The following HIKESHI variants were observed in gnomAD, a reference collection of about 807,000 sequenced individuals.
HIKESHI encodes the protein protein Hikeshi.
A neutral mutation model predicts 25.7 loss-of-function variants in HIKESHI; 13 were observed. The ratio of observed to expected loss-of-function variants is 0.51; its 90% CI spans 0.33 to 0.80. The LOEUF (loss-of-function observed/expected upper bound fraction) is 0.80, where lower values mean the gene tolerates loss of function less well. Among genes scored for constraint, HIKESHI ranks in the 30% least tolerant of loss-of-function variants. HIKESHI has a pLI of 0.02. For missense variants in HIKESHI, 174 were observed against 229.5 expected (o/e 0.76, Z 1.56); for synonymous variants, 76 against 78.7 (o/e 0.97, Z 0.18).
At chr11:86,344,956 T>C (rs1346527238) in intron 4 of HIKESHI, 2 of 535,188 alleles carry the variant, frequency 3.7e-6, no homozygotes, top group African/African-American at 1.9e-5. Flanking sequence ...TAGTTGCCTA[T>C]GTTTTAGGGA....
At chr11:86,328,826 C>T (rs1269824622) in intron 2 of HIKESHI, among the ~76,000 whole-genome samples, 4 of 151,906 alleles carry the variant, frequency 2.6e-5, no homozygotes, top group East Asian at 1.9e-4. Flanking sequence ...ATCCACCTGC[C>T]GTGGCCTCCC....
intron 3 of HIKESHI, among the ~76,000 whole-genome samples, chr11:86,339,248 C>A (rs948170045): frequency 1.3e-5 from 2 of 152,160 alleles, no homozygotes; most frequent in African/African-American, 4.8e-5. Context: ...TGGGGTTTCG[C>A]CGTGTTAGCC....
chr11:86,335,699 C>T (rs1350924855), intron 2 of HIKESHI, among the ~76,000 whole-genome samples: 3 of 152,182 alleles, frequency 2.0e-5, no homozygotes, highest in East Asian at 1.9e-4. Context: ...ACTAATGGAA[C>T]AGAGACTTCA....
intron 3 of HIKESHI, among the ~76,000 whole-genome samples, chr11:86,342,591 T>C (rs1293238660): frequency 1.3e-5 from 2 of 151,982 alleles, no homozygotes; most frequent in Admixed American, 1.3e-4. Flanking sequence ...GCCTAAGATG[T>C]TGTCTTTCAG....
chr11:86,337,559 C>T (rs1202860072), intron 3 of HIKESHI, 29 bp downstream of exon 3: 2 of 1,599,786 alleles, frequency 1.3e-6, no homozygotes, highest in Non-Finnish European at 1.7e-6. Flanking sequence ...CATTCTTTAC[C>T]TCCCCCTCCA....
intron 2 of HIKESHI, among the ~76,000 whole-genome samples, chr11:86,316,668 A>T (rs1458154803): frequency 6.6e-6 from 1 of 152,078 alleles, no homozygotes; most frequent in Non-Finnish European, 1.5e-5. Flanking sequence ...AAACAGATTA[A>T]ACTTACCAGA....
intron 2 of HIKESHI, among the ~76,000 whole-genome samples, chr11:86,313,949 A>T (rs1157094071): frequency 6.6e-6 from 1 of 152,212 alleles, no homozygotes; most frequent in East Asian, 1.9e-4. Flanking sequence ...CCTCAGATTG[A>T]CATCAGGGTA....
chr11:86,311,775 G>C (rs1473514671), intron 2 of HIKESHI, among the ~76,000 whole-genome samples: 1 of 152,008 alleles, frequency 6.6e-6, no homozygotes, highest in Non-Finnish European at 1.5e-5. Context: ...ATTCTTATTG[G>C]TTTCAAAGAA....
rs368721934 is a variant in HIKESHI, at chr11:86,320,968, A to G, written c.268+14486A>G. ...CACTTTTTTTGAGACAGAGTCTCACACTGTTGCTCAGGCTGGAGTGCAATG... is the reference window on the plus strand; with the variant it reads ...CACTTTTTTTGAGACAGAGTCTCACGCTGTTGCTCAGGCTGGAGTGCAATG... On this transcript the variant is annotated intron_variant, in intron 2 of 4. Coordinates refer to ENST00000278483, the MANE Select transcript of HIKESHI (RefSeq NM_016401.4). Among the ~76,000 whole-genome samples the G allele has an allele frequency of 4.6e-5, 7 of 152,026 alleles. No homozygotes were observed. In the South Asian group the frequency reaches 8.3e-4, roughly 18 times the overall value.
intron 3 of HIKESHI, among the ~76,000 whole-genome samples, chr11:86,341,218 T>C (rs1251777811): frequency 6.6e-6 from 1 of 152,230 alleles, no homozygotes; most frequent in African/African-American, 2.4e-5. Flanking sequence ...CTCCCCACCT[T>C]ATCAGTATAC....
chr11:86,316,880 A>G (rs1243950405), intron 2 of HIKESHI, among the ~76,000 whole-genome samples: 1 of 133,820 alleles, frequency 7.5e-6, no homozygotes, highest in African/African-American at 2.9e-5. Flanking sequence ...TGCAAGCTCC[A>G]CCTCCTGGGT....
chr11:86,305,899 T>A (rs937843456), intron 1 of HIKESHI, among the ~76,000 whole-genome samples: 4 of 151,950 alleles, frequency 2.6e-5, no homozygotes, highest in African/African-American at 9.7e-5. Context: ...TGAGCCACCA[T>A]ACCTGGCTAG....
At chr11:86,341,930 A>G (rs770103254) in intron 3 of HIKESHI, among the ~76,000 whole-genome samples, 1 of 152,222 alleles carries the variant, frequency 6.6e-6, no homozygotes, top group Non-Finnish European at 1.5e-5. Flanking sequence ...AGATTTATCG[A>G]TGTTGATACA....
At chr11:86,334,207 C>T (rs1220467515) in intron 2 of HIKESHI, among the ~76,000 whole-genome samples, 4 of 150,040 alleles carry the variant, frequency 2.7e-5, no homozygotes, top group African/African-American at 9.8e-5. Flanking sequence ...CCACTATTTC[C>T]TGATTCTTCT....
At chr11:86,310,141 A>T (rs1173186505) in intron 2 of HIKESHI, among the ~76,000 whole-genome samples, 2 of 147,512 alleles carry the variant, frequency 1.4e-5, no homozygotes, top group Non-Finnish European at 3.0e-5. Flanking sequence ...CATTGAATCT[A>T]TAAATTACCT....
At chr11:86,345,291 T>A (rs186219113) in intron 4 of HIKESHI, 5 of 369,988 alleles carry the variant, frequency 1.4e-5, no homozygotes, top group South Asian at 1.1e-4. Context: ...TTGAATTTGA[T>A]TTTTTTCCTT....
At chr11:86,306,623 A>G (rs1032567113) in intron 2 of HIKESHI, 141 bp downstream of exon 2, 7 of 578,220 alleles carry the variant, frequency 1.2e-5, no homozygotes, top group Non-Finnish European at 2.1e-5. Context: ...TTTAAAAAAG[A>G]CAATACAGAA....
chr11:86,308,285 A>G (rs1319163112), intron 2 of HIKESHI, among the ~76,000 whole-genome samples: 1 of 96,996 alleles, frequency 1.0e-5, no homozygotes, highest in African/African-American at 4.5e-5. Flanking sequence ...TATATAAAAT[A>G]TATATTACAT....
intron 2 of HIKESHI, among the ~76,000 whole-genome samples, chr11:86,309,839 A>G (rs1050940110): frequency 4.3e-4 from 65 of 152,250 alleles, no homozygotes; most frequent in Middle Eastern, 3.4e-3. Context: ...TCCTTTCCCC[A>G]TTTCTTGTTT....
Sources: allele counts gnomAD v4.1 joint callset (sites outside exome capture counted in the v4.1 genomes callset), GRCh38; gene constraint gnomAD v4.1.1; transcripts MANE v1.5; gene names NCBI Gene and HGNC (gene_info 2026-07-23, HGNC 2026-07-21).